Variants in UNC13C observed in about 807,000 individuals in gnomAD.
The protein encoded by UNC13C is unc-13 homolog C, also known as protein unc-13 homolog C.
A neutral mutation model predicts 245.4 loss-of-function variants in UNC13C; 174 were observed. The ratio of observed to expected loss-of-function variants is 0.71; its 90% CI spans 0.63 to 0.80. UNC13C has a LOEUF of 0.80. Ranked by LOEUF, UNC13C falls within the 30% of genes least tolerant of loss-of-function variation. The probability of loss-of-function intolerance (pLI) is 0.00; values close to 1 mark genes in which losing one functional copy is unlikely to be tolerated. For synonymous variants in UNC13C, 992 were observed against 895.1 expected, an observed-to-expected ratio of 1.11 and a Z score of -1.93; for missense variants, 2,829 against 2,602.9, an observed-to-expected ratio of 1.09 and a Z score of -1.89.
At chr15:54,566,264 C>T (rs1458034143) in intron 29 of UNC13C, among the ~76,000 whole-genome samples, 1 of 151,972 alleles carries the variant, frequency 6.6e-6, no homozygotes, top group East Asian at 1.9e-4. Flanking sequence ...TTTTTCCATC[C>T]TTAAATACTG....
chr15:54,054,801 T>C (rs1566977825), intron 2 of UNC13C, among the ~76,000 whole-genome samples: 3 of 148,748 alleles, frequency 2.0e-5, no homozygotes, highest in Non-Finnish European at 4.5e-5. Flanking sequence ...ATATTTATTT[T>C]TTGTTTTTAT....
chr15:54,297,455 A>G (rs1026393970), intron 11 of UNC13C, among the ~76,000 whole-genome samples: 1 of 151,982 alleles, frequency 6.6e-6, no homozygotes, highest in South Asian at 2.1e-4. Context: ...TGAGTTCAAG[A>G]GATCCTCCTG....
At chr15:54,504,339 C>A (rs948655859) in intron 22 of UNC13C, among the ~76,000 whole-genome samples, 3 of 152,082 alleles carry the variant, frequency 2.0e-5, no homozygotes, top group Non-Finnish European at 2.9e-5. Flanking sequence ...AATGATAATT[C>A]ATTGAGCATT....
At chr15:54,514,076 C>T (rs1184789511) in intron 24 of UNC13C, among the ~76,000 whole-genome samples, 2 of 152,174 alleles carry the variant, frequency 1.3e-5, no homozygotes, top group African/African-American at 4.8e-5. Flanking sequence ...TCTGATTACT[C>T]TGGGGTCTCA....
At chr15:54,126,053 A>G (rs1313484292) in intron 2 of UNC13C, among the ~76,000 whole-genome samples, 3 of 152,226 alleles carry the variant, frequency 2.0e-5, no homozygotes, top group African/African-American at 4.8e-5. Flanking sequence ...AAGCAATGCA[A>G]GAAAAAAGAA....
At chr15:54,201,859 A>G (rs2034534391) in intron 4 of UNC13C, among the ~76,000 whole-genome samples, 1 of 152,036 alleles carries the variant, frequency 6.6e-6, no homozygotes, top group Non-Finnish European at 1.5e-5. Context: ...GAATTGGTAA[A>G]GAGGAATTCA....
At chr15:54,502,582 T>A (rs938520777) in intron 22 of UNC13C, among the ~76,000 whole-genome samples, 1 of 152,146 alleles carries the variant, frequency 6.6e-6, no homozygotes, top group Non-Finnish European at 1.5e-5. Flanking sequence ...CTTTTCTTGA[T>A]GAGCAGCTGT....
At position 54,567,873 on chromosome 15, in the gene UNC13C, G is replaced by A. The variant is rs758593287; in HGVS notation, c.6032G>A (p.Arg2011Lys). The A allele has an allele frequency of 6.2e-7, 1 of 1,601,098 alleles. No individual in the cohort carries two copies. Among genetic ancestry groups the A allele is most frequent in the Non-Finnish European group, 8.5e-7 (1 of 1,172,854 alleles). The change falls in exon 30 of 33, where the codon AGA (arginine) becomes AAA (lysine). Residue 2011 changes from arginine to lysine, a missense_variant. Coordinates refer to ENST00000260323, the MANE Select transcript of UNC13C (RefSeq NM_001080534.3). The part of the protein sequence containing the change: ...LEKSPDLQSL[R>K]YALSLYTQTT... ...AAAAGCCCAGATCTTCAGTCTCTGAGATATGCTCTCAGTCTTTATACCCAA... is the reference window on the plus strand; with the variant it reads ...AAAAGCCCAGATCTTCAGTCTCTGAAATATGCTCTCAGTCTTTATACCCAA...
At chr15:54,188,586 C>T (rs996307224) in intron 4 of UNC13C, among the ~76,000 whole-genome samples, 1 of 152,142 alleles carries the variant, frequency 6.6e-6, no homozygotes. Flanking sequence ...AAATGATTTT[C>T]AAAGCCGGAT....
At chr15:54,345,628 T>C (rs760404766) in intron 17 of UNC13C, among the ~76,000 whole-genome samples, 13 of 152,344 alleles carry the variant, frequency 8.5e-5, no homozygotes, top group South Asian at 6.2e-4. Flanking sequence ...TGGATATTTA[T>C]TTGTTACCAT....
chr15:54,266,569 C>A (rs535655614), intron 10 of UNC13C, among the ~76,000 whole-genome samples: 1 of 151,954 alleles, frequency 6.6e-6, no homozygotes, highest in African/African-American at 2.4e-5. Flanking sequence ...CGTTGCCATG[C>A]GATCATGTAG....
the UNC13C span, among the ~76,000 whole-genome samples, chr15:53,859,437 T>G: frequency 6.6e-6 from 1 of 152,200 alleles, no homozygotes; most frequent in African/African-American, 2.4e-5. Context: ...TAGCCCAGGT[T>G]TGTCGATATT....
chr15:54,310,289 T>A (rs2037834960), intron 13 of UNC13C, among the ~76,000 whole-genome samples: 2 of 151,862 alleles, frequency 1.3e-5, no homozygotes, highest in Non-Finnish European at 2.9e-5. Context: ...AAGTTTGCCT[T>A]GGCTGTAACT....
At chr15:53,924,509 G>A in the UNC13C span, among the ~76,000 whole-genome samples, 2 of 152,176 alleles carry the variant, frequency 1.3e-5, no homozygotes, top group Admixed American at 6.5e-5. Context: ...AATAATGACA[G>A]AGCAAATTAA....
chr15:54,111,675 G>A (rs1900781105), intron 2 of UNC13C, among the ~76,000 whole-genome samples: 2 of 152,208 alleles, frequency 1.3e-5, no homozygotes, highest in South Asian at 4.1e-4. Flanking sequence ...CTCTGGTATA[G>A]TTCATGGGAA....
intron 30 of UNC13C, among the ~76,000 whole-genome samples, chr15:54,611,795 G>T (rs1900113753): frequency 6.6e-6 from 1 of 151,998 alleles, no homozygotes; most frequent in Non-Finnish European, 1.5e-5. Flanking sequence ...GAAAACAATA[G>T]AAAATACAGA....
In UNC13C at chr15:54,624,705, C is replaced by T. The variant is rs550708845; in HGVS notation, c.6359+751C>T. On this transcript the variant is annotated intron_variant, in intron 32 of 32. Coordinates refer to ENST00000260323, the MANE Select transcript of UNC13C (RefSeq NM_001080534.3). ...CAGGCAATAGCTATTAGTGACTAACCGGATCCTAGTAGGGAGATAGATGGA... is the reference window on the plus strand; with the variant it reads ...CAGGCAATAGCTATTAGTGACTAACTGGATCCTAGTAGGGAGATAGATGGA... 5.3e-5 allele frequency among the ~76,000 whole-genome samples: 8 copies of T among 152,154 alleles called. No individual in the cohort carries two copies. In the South Asian group the frequency reaches 1.5e-3, roughly 28 times the overall value.
intron 24 of UNC13C, among the ~76,000 whole-genome samples, chr15:54,524,727 A>G (rs1374475271): frequency 6.6e-6 from 1 of 152,132 alleles, no homozygotes; most frequent in African/African-American, 2.4e-5. Context: ...TCTTACTTAT[A>G]CTAAGTCATG....
rs2141197706 is a variant in UNC13C at position 54,555,584 on chromosome 15, T to C, written c.5958+72T>C. On this transcript the variant is annotated intron_variant, in intron 29 of 32. Transcript: ENST00000260323. ...TACCTCCAGAGATAGGTAGCCCTGA[T>C]CTTAGCCATGTATCAGTAGAGCTGC... 22 of 1,188,876 alleles carry C rather than the reference T, an allele frequency of 1.9e-5. No homozygotes were observed. In the South Asian group the frequency reaches 2.6e-4, roughly 14 times the overall value. The allele number at this position is 1,188,876 out of a possible 1,614,324, so 73.6% of individuals were successfully genotyped here.
Sources: allele counts gnomAD v4.1 joint callset (sites outside exome capture counted in the v4.1 genomes callset), GRCh38; gene constraint gnomAD v4.1.1; transcripts MANE v1.5; gene names NCBI Gene and HGNC (gene_info 2026-07-23, HGNC 2026-07-21).